CCDC88C: variants seen among roughly 807,000 people sequenced by gnomAD.
CCDC88C encodes coiled-coil and HOOK domain protein 88C.
Under a neutral mutation model 198.8 loss-of-function variants are expected in CCDC88C, and 131 were observed. The ratio of observed to expected loss-of-function variants is 0.66; its 90% CI spans 0.57 to 0.76. The LOEUF (loss-of-function observed/expected upper bound fraction) is 0.76, where lower values mean the gene tolerates loss of function less well. CCDC88C is among the 30% of genes least tolerant of loss of function. The pLI is 0.00. For missense variants in CCDC88C, 2,553 were observed against 2,631.6 expected (o/e 0.97, Z 0.65); for synonymous variants, 1,166 against 1,114.7 (o/e 1.05, Z -0.92).
chr14:91,347,552 AC>A, intron 4 of CCDC88C, among the ~76,000 whole-genome samples: 1 of 152,312 alleles, frequency 6.6e-6, no homozygotes, highest in Admixed American at 6.5e-5. Context: ...TCAAAAGAAG[AC>A]ATTTATGCAG....
chr14:91,339,331 C>CA lies in CCDC88C; in HGVS notation c.755dup (p.Ala253GlyfsTer21), dbSNP rs1555422946. ...CCTTGGTGTCGGCCAGCTCTACGGC[C>CA]AGGTGCTGCTTGTCTTCGCTAGAGA... On this transcript the variant is annotated frameshift_variant, in exon 8 of 30. Coordinates refer to ENST00000389857, the MANE Select transcript of CCDC88C (RefSeq NM_001080414.4). LOFTEE classifies it high-confidence loss of function. The surrounding 1 kb of genome is among the most constrained non-coding windows in gnomAD (Gnocchi z 5.8). The CA allele has an allele frequency of 1.2e-6, 2 of 1,613,634 alleles. No individual in the cohort carries two copies. The highest frequency in any genetic ancestry group is 2.7e-5 in the African/African-American group (2 of 74,932).
rs113290486 is a variant in CCDC88C at position 91,373,260 on chromosome 14, A to G, written c.271-13549T>C. ...AAAACACACACGATACCAGTGCCCT[A>G]TGGTGGTCTGGACTCAAGAGAGCTG... is the stretch of plus-strand genomic sequence containing the variant. On this transcript the variant is annotated intron_variant, in intron 3 of 29. Transcript: ENST00000389857. Among the ~76,000 whole-genome samples the G allele has an allele frequency of 2.6e-3, 400 of 152,186 alleles. 1 individual carries two copies. The highest frequency in any genetic ancestry group is 0.017 in the Middle Eastern group (5 of 294).
chr14:91,385,781 T>C (rs193036004), intron 3 of CCDC88C, among the ~76,000 whole-genome samples: 25 of 151,508 alleles, frequency 1.7e-4, no homozygotes, highest in African/African-American at 4.8e-4. Flanking sequence ...CTGGGCAACA[T>C]AGCAAGACCC....
chr14:91,413,747 C>A (rs944463020), intron 2 of CCDC88C, among the ~76,000 whole-genome samples: 5 of 152,176 alleles, frequency 3.3e-5, no homozygotes, highest in African/African-American at 1.2e-4. Context: ...TCTCCGGTTG[C>A]CGGAGACAAT....
rs182100661 is a variant in CCDC88C at position 91,271,807 on chromosome 14, C to T, written c.*818G>A. The T allele has an allele frequency of 1.3e-5, 2 of 152,638 alleles. No individual in the cohort carries two copies. The highest frequency in any genetic ancestry group is 2.9e-5 in the Non-Finnish European group (2 of 68,060). 9.5% of individuals were successfully genotyped at this position (152,638 alleles called of 1,614,324 possible). On this transcript the variant is annotated 3_prime_UTR_variant, in exon 30 of 30. Coordinates refer to ENST00000389857, the MANE Select transcript of CCDC88C (RefSeq NM_001080414.4). ...TTGCACCTCGCTCTGTGCGGATGAC[C>T]CCTCGGTGCACTGTGCACACTGGCC... is the stretch of plus-strand genomic sequence containing the variant.
At chr14:91,355,465 G>A (rs747324240) in intron 4 of CCDC88C, among the ~76,000 whole-genome samples, 10 of 152,154 alleles carry the variant, frequency 6.6e-5, no homozygotes, top group Admixed American at 1.3e-4. Context: ...AGAGACTACA[G>A]CAGTGAGGCA....
intron 4 of CCDC88C, among the ~76,000 whole-genome samples, chr14:91,348,239 C>G: frequency 6.6e-6 from 1 of 150,764 alleles, no homozygotes. Flanking sequence ...CTCCTGACCT[C>G]AAGTGATCTG....
rs1050034163 is a variant in CCDC88C at position 91,283,511 on chromosome 14, C to T, written c.4448G>A (p.Gly1483Glu). ...AHNGSVGKGPGDLKPKRGSPH... is the reference protein window; with the variant it reads ...AHNGSVGKGPEDLKPKRGSPH... Reference sequence around the variant, plus strand: ...GGAGCCTCGCTTTGGTTTTAGATCCCCAGGGCCTGAGGCAGAAGAGGACAT... The same window carrying T: ...GGAGCCTCGCTTTGGTTTTAGATCCTCAGGGCCTGAGGCAGAAGAGGACAT... Residue 1483 changes from glycine to glutamate, a missense_variant, in exon 26 of 30, where the codon GGG (glycine) becomes GAG (glutamate). Physicochemically the swap from Gly to Glu is moderately conservative, Grantham distance 98 (BLOSUM62 -2). Transcript: ENST00000389857. The T allele has an allele frequency of 6.2e-7, 1 of 1,608,952 alleles. No homozygotes were observed. Among genetic ancestry groups the T allele is most frequent in the South Asian group, 1.1e-5 (1 of 89,856 alleles).
intron 3 of CCDC88C, among the ~76,000 whole-genome samples, chr14:91,367,116 G>A (rs8012455): frequency 0.059 from 8,992 of 152,258 alleles, 301 homozygotes; most frequent in South Asian, 0.096. Flanking sequence ...ACTGAATCTC[G>A]CAGCTTGATA....
In CCDC88C at chr14:91,308,979, C is replaced by G. The variant is rs558256697; in HGVS notation, c.2865-487G>C. Reference sequence around the variant, plus strand: ...CAGTGGCTCATGCCTGTAATCCCGGCACTTTGGGATGCCAAGGCGGGAGGA... The same window carrying G: ...CAGTGGCTCATGCCTGTAATCCCGGGACTTTGGGATGCCAAGGCGGGAGGA... On this transcript the variant is annotated intron_variant, in intron 16 of 29. Coordinates refer to ENST00000389857, the MANE Select transcript of CCDC88C (RefSeq NM_001080414.4). 5.7e-4 allele frequency among the ~76,000 whole-genome samples: 87 copies of G among 152,328 alleles called. 1 individual carries two copies. Among genetic ancestry groups the G allele is most frequent in the African/African-American group, 2.0e-3 (85 of 41,560 alleles).
Position 91,273,262 on chromosome 14 carries a change from C to T in CCDC88C, c.5450G>A (p.Gly1817Glu). 2 of 1,558,688 alleles carry T rather than the reference C, an allele frequency of 1.3e-6. No homozygotes were observed. Among genetic ancestry groups the T allele is most frequent in the Non-Finnish European group, 1.7e-6 (2 of 1,151,138 alleles). Residue 1817 changes from glycine to glutamate, a missense_variant, in exon 30 of 30, where the codon GGG (glycine) becomes GAG (glutamate). Coordinates refer to ENST00000389857, the MANE Select transcript of CCDC88C (RefSeq NM_001080414.4). The surrounding 1 kb of genome is among the most constrained non-coding windows in gnomAD (Gnocchi z 5.6). ...LASADLLRAS[G>E]PEACKQESPQ... ...GGACTCCTGTTTGCAGGCCTCTGGC[C>T]CGCTGGCCCGGAGAAGGTCAGCTGA...
intron 10 of CCDC88C, among the ~76,000 whole-genome samples, chr14:91,326,785 A>T (rs1892602530): frequency 6.6e-6 from 1 of 152,212 alleles, no homozygotes; most frequent in Non-Finnish European, 1.5e-5. Flanking sequence ...TATTCAGATA[A>T]ACTTTCATTC....
At position 91,273,504 on chromosome 14, in the gene CCDC88C, G is replaced by A. The variant is rs202069805; in HGVS notation, c.5208C>T (p.Ala1736=). Residue 1736 remains alanine (A), a synonymous_variant, in exon 30 of 30, where the codon GCC becomes GCT. Transcript: ENST00000389857. The surrounding 1 kb of genome is among the most constrained non-coding windows in gnomAD (Gnocchi z 5.6). Reference sequence around the variant, plus strand: ...GCGGCCTCCCCTCCGAGGTGGGGGCGGCCATTTTGACGGTGGGGGCCACAA... The same window carrying A: ...GCGGCCTCCCCTCCGAGGTGGGGGCAGCCATTTTGACGGTGGGGGCCACAA... The part of the protein sequence containing the change: ...TNFVAPTVKM[A]APTSEGRPLK... The A allele has an allele frequency of 1.7e-4, 258 of 1,545,900 alleles. No individual in the cohort carries two copies. Among genetic ancestry groups the A allele is most frequent in the African/African-American group, 1.3e-3 (92 of 71,958 alleles).
At chr14:91,390,458 CTCAGAGGCGCTCCTGTTCATTAAAG>C (rs1885441044) in intron 3 of CCDC88C, among the ~76,000 whole-genome samples, 1 of 152,218 alleles carries the variant, frequency 6.6e-6, no homozygotes, top group Non-Finnish European at 1.5e-5. Flanking sequence ...AAGCTGGCAT[CTCAGAGGCGCTCCTGTTCATTAAAG>C]CCTCCCATCA....
intron 3 of CCDC88C, among the ~76,000 whole-genome samples, chr14:91,373,714 G>T (rs976871292): frequency 6.6e-6 from 1 of 152,216 alleles, no homozygotes; most frequent in Admixed American, 6.5e-5. Context: ...GGAAGGTTCA[G>T]AAGTGACAAG....
At chr14:91,416,946 G>C in intron 1 of CCDC88C, 108 bp from the exon 2 acceptor site, 1 of 750,684 alleles carries the variant, frequency 1.3e-6, no homozygotes, top group South Asian at 1.6e-5. Context: ...AGCAGAAGGG[G>C]GTCACCCACG....
intron 3 of CCDC88C, among the ~76,000 whole-genome samples, chr14:91,363,098 T>C (rs1216560307): frequency 6.6e-6 from 1 of 152,140 alleles, no homozygotes; most frequent in African/African-American, 2.4e-5. Flanking sequence ...CAGCAAAAAC[T>C]GGCTCAGATG....
intron 4 of CCDC88C, among the ~76,000 whole-genome samples, chr14:91,357,961 G>A (rs552102652): frequency 3.5e-4 from 54 of 152,366 alleles, no homozygotes; most frequent in Non-Finnish European, 5.0e-4. Flanking sequence ...CCACCAGGAG[G>A]ACCAGGGGTG....
intron 3 of CCDC88C, among the ~76,000 whole-genome samples, chr14:91,377,547 C>A (rs1171750934): frequency 6.6e-6 from 1 of 151,766 alleles, no homozygotes; most frequent in Non-Finnish European, 1.5e-5. Context: ...TGCAGATGGC[C>A]CCCCCCCGGT....
Sources: gnomAD v4.1 joint callset for allele counts (sites outside exome capture counted in the v4.1 genomes callset) on GRCh38, gnomAD v4.1.1 for gene constraint, Gnocchi (gnomAD v3.1) non-coding constraint, MANE v1.5 for transcripts, NCBI Gene and HGNC (gene_info 2026-07-23, HGNC 2026-07-21) for gene names.